Variants in HIF1A observed in about 807,000 individuals in gnomAD.
The protein encoded by HIF1A is hypoxia-inducible factor 1-alpha.
A neutral mutation model predicts 92.7 loss-of-function variants in HIF1A; 24 were observed. That is an observed-to-expected ratio of 0.26 (90% CI 0.19 to 0.36). The LOEUF is 0.36. Among genes scored for constraint, HIF1A ranks in the 10% least tolerant of loss-of-function variants. The probability of loss-of-function intolerance (pLI) is 1.00; values close to 1 mark genes in which losing one functional copy is unlikely to be tolerated. For missense variants in HIF1A, 799 were observed against 998.5 expected (o/e 0.80, Z 2.69); for synonymous variants, 319 against 338.7 (o/e 0.94, Z 0.64).
intron 12 of HIF1A, among the ~76,000 whole-genome samples, 160 bp downstream of exon 12, chr14:61,741,348 TTTTTTC>T (rs2044709287): frequency 7.2e-6 from 1 of 139,494 alleles, no homozygotes; most frequent in African/African-American, 2.5e-5. Context: ...ACCTCATATA[TTTTTTC>T]TTTTTCTTTC....
At chr14:61,715,523 C>T (rs1224572910) in intron 1 of HIF1A, 2 of 152,062 alleles carry the variant, frequency 1.3e-5, no homozygotes, top group African/African-American at 4.8e-5. Flanking sequence ...CGCGTGGACA[C>T]CAGACTGCTT....
chr14:61,738,030 TAAA>T (rs372062450), intron 9 of HIF1A, 54 bp from the exon 10 acceptor site: 713 of 1,228,016 alleles, frequency 5.8e-4, no homozygotes, highest in Non-Finnish European at 6.3e-4. Context: ...CTGTCTTGGG[TAAA>T]AAAAAAAAAA....
At chr14:61,726,846 A>G in intron 5 of HIF1A, 28 bp downstream of exon 5, 1 of 1,272,224 alleles carries the variant, frequency 7.9e-7, no homozygotes. Context: ...GTGATTGATT[A>G]TACACTTTAT....
chr14:61,736,381 T>TA (rs1751176718), intron 8 of HIF1A, among the ~76,000 whole-genome samples: 3 of 152,070 alleles, frequency 2.0e-5, no homozygotes, highest in African/African-American at 7.2e-5. Flanking sequence ...CATGCATAGG[T>TA]TTGTTACATG....
chr14:61,745,598 T>C (rs1325246789), intron 13 of HIF1A, 93 bp from the exon 14 acceptor site: 4 of 998,786 alleles, frequency 4.0e-6, no homozygotes, highest in Non-Finnish European at 4.7e-6. Context: ...AAACTGCCTA[T>C]AATGTTATTA....
chr14:61,743,181 C>T (rs371279328), intron 12 of HIF1A, among the ~76,000 whole-genome samples: 9 of 152,180 alleles, frequency 5.9e-5, no homozygotes, highest in Non-Finnish European at 1.2e-4. Flanking sequence ...AAGCAAATCT[C>T]GTGCCTCAGC....
intron 1 of HIF1A, among the ~76,000 whole-genome samples, chr14:61,709,593 ATGT>A (rs1033686477): frequency 2.0e-5 from 3 of 152,138 alleles, no homozygotes; most frequent in Non-Finnish European, 2.9e-5. Flanking sequence ...TTTAAGAGAG[ATGT>A]TGTTGTGCCG....
chr14:61,745,963 C>A, intron 14 of HIF1A, 146 bp downstream of exon 14: 1 of 631,460 alleles, frequency 1.6e-6, no homozygotes, highest in Non-Finnish European at 2.6e-6. Flanking sequence ...GTGGCTCACA[C>A]CTGTAATCCC....
At chr14:61,719,373 C>T (rs776386869) in intron 1 of HIF1A, among the ~76,000 whole-genome samples, 27 of 152,174 alleles carry the variant, frequency 1.8e-4, no homozygotes, top group Non-Finnish European at 3.4e-4. Context: ...TTTAAAACAC[C>T]TGGGTTCAAA....
chr14:61,735,836 T>C (rs1173418892), intron 8 of HIF1A, among the ~76,000 whole-genome samples: 1 of 152,230 alleles, frequency 6.6e-6, no homozygotes, highest in Non-Finnish European at 1.5e-5. Context: ...CCTTAGATCA[T>C]GCCTCACATA....
intron 1 of HIF1A, among the ~76,000 whole-genome samples, chr14:61,710,853 G>A (rs1044400999): frequency 6.6e-6 from 1 of 152,116 alleles, no homozygotes; most frequent in Non-Finnish European, 1.5e-5. Context: ...GAGGTCAGGA[G>A]TTCAAGACCA....
intron 12 of HIF1A, among the ~76,000 whole-genome samples, chr14:61,743,628 C>CT (rs2044740920): frequency 6.6e-6 from 1 of 152,206 alleles, no homozygotes; most frequent in South Asian, 2.1e-4. Flanking sequence ...AATAAGATCA[C>CT]TTACCTATTT....
At chr14:61,737,141 T>A in intron 9 of HIF1A, 32 bp downstream of exon 9, 1 of 1,475,034 alleles carries the variant, frequency 6.8e-7, no homozygotes, top group Non-Finnish European at 9.5e-7. Flanking sequence ...TCCCCTAAAT[T>A]GTGTCTGTTG....
Position 61,729,783 on chromosome 14 carries a change from T to C in HIF1A, c.773+2128T>C, listed in dbSNP as rs569048162. Among the ~76,000 whole-genome samples, 82 of 152,244 alleles carry C rather than the reference T, an allele frequency of 5.4e-4. 1 individual carries two copies. Among genetic ancestry groups the C allele is most frequent in the African/African-American group, 1.9e-3 (78 of 41,540 alleles). ...AGGGAGTGACATTCCCCTCTAGTTA[T>C]AGCAGAAAATTAGCAAAATGATCAT... On this transcript the variant is annotated intron_variant, in intron 6 of 14. Transcript: ENST00000337138.
intron 2 of HIF1A, among the ~76,000 whole-genome samples, chr14:61,721,169 G>A (rs905787766): frequency 6.6e-6 from 1 of 152,106 alleles, no homozygotes; most frequent in Non-Finnish European, 1.5e-5. Context: ...TAAACTCAGA[G>A]GGCGGAGCTT....
At position 61,740,626 on chromosome 14, in the gene HIF1A, A is replaced by C. The variant is rs2044697833; in HGVS notation, c.1658A>C (p.Gln553Pro). 6.3e-7 allele frequency: 1 copy of C among 1,590,520 alleles called. No individual in the cohort carries two copies. The highest frequency in any genetic ancestry group is 1.9e-5 in the Admixed American group (1 of 52,376). Residue 553 changes from glutamine to proline, a missense_variant and splice_region_variant, in exon 11 of 15, where the codon CAG (glutamine) becomes CCG (proline). Around this residue, in one of 2 missense-constraint regions of HIF1A, gnomAD observed 516 missense variants for 721.0 expected, o/e 0.72. Transcript: ENST00000337138. Reference sequence around the variant, plus strand: ...GAAGCAAAGAACCCATTTTCTACTCAGGTATATGAACTTATTTGTTTTATA... The same window carrying C: ...GAAGCAAAGAACCCATTTTCTACTCCGGTATATGAACTTATTTGTTTTATA... ...DTEAKNPFSTQDTDLDLEMLA... is the reference protein window; with the variant it reads ...DTEAKNPFSTPDTDLDLEMLA...
At chr14:61,729,848 A>C (rs2044554364) in intron 6 of HIF1A, among the ~76,000 whole-genome samples, 1 of 152,162 alleles carries the variant, frequency 6.6e-6, no homozygotes, top group Non-Finnish European at 1.5e-5. Flanking sequence ...TCATATATCA[A>C]CCAAGACAGT....
intron 1 of HIF1A, among the ~76,000 whole-genome samples, chr14:61,704,968 TTTAAG>T (rs2044221740): frequency 6.6e-6 from 1 of 152,170 alleles, no homozygotes; most frequent in African/African-American, 2.4e-5. Flanking sequence ...GACTTTTGGG[TTTAAG>T]TTTTGTTATT....
intron 1 of HIF1A, among the ~76,000 whole-genome samples, chr14:61,696,715 A>G (rs752117606): frequency 9.2e-5 from 14 of 152,218 alleles, no homozygotes; most frequent in Admixed American, 2.0e-4. Context: ...AGTTTTAATG[A>G]TACTGAAAAA....
Sources: allele counts gnomAD v4.1 joint callset (sites outside exome capture counted in the v4.1 genomes callset), GRCh38; gene constraint gnomAD v4.1.1; regional missense constraint gnomAD v4.1.1; transcripts MANE v1.5; gene names NCBI Gene and HGNC (gene_info 2026-07-23, HGNC 2026-07-21).